ZNF600: variants seen among roughly 807,000 people sequenced by gnomAD.
ZNF600 encodes the protein zinc finger protein 600.
Under a neutral mutation model 7.3 loss-of-function variants are expected in ZNF600, and 4 were observed. The ratio of observed to expected loss-of-function variants is 0.55; its 90% confidence interval spans 0.27 to 1.25. The LOEUF is 1.25. Ranked by LOEUF, ZNF600 falls within the 50% of genes most tolerant of loss-of-function variation. The pLI, the probability that ZNF600 is intolerant of heterozygous loss-of-function variation, is 0.12. For synonymous variants in ZNF600, 290 were observed against 308.9 expected, an observed-to-expected ratio of 0.94 and a Z score of 0.64; for missense variants, 911 against 922.1, an observed-to-expected ratio of 0.99 and a Z score of 0.16.
rs1404501990 is a variant in ZNF600 at position 52,774,556 on chromosome 19, G to A, written c.190+19C>T. The A allele has an allele frequency of 1.0e-6, 1 of 984,760 alleles. No individual in the cohort carries two copies. Among genetic ancestry groups the A allele is most frequent in the African/African-American group, 1.8e-5 (1 of 57,044 alleles). The allele number at this position is 984,760 out of a possible 1,614,324, so 61.0% of individuals were successfully genotyped here. On this transcript the variant is annotated intron_variant, in intron 3 of 3. Coordinates refer to ENST00000648973, the Ensembl canonical transcript of ZNF600. ...ACAAGAGCAGACTCCTCATGTCTGG[G>A]GGACATCATTTTCCTCACCCACAGC... is the stretch of plus-strand genomic sequence containing the variant.
the ZNF600 span, chr19:52,798,578 C>T: frequency 2.7e-5 from 13 of 486,296 alleles, no homozygotes; most frequent in Non-Finnish European, 4.6e-5. Flanking sequence ...GTGAAGTAAA[C>T]GCTTTGCCAC....
the ZNF600 span, chr19:52,817,955 C>T: frequency 6.2e-7 from 1 of 1,610,882 alleles, no homozygotes; most frequent in Non-Finnish European, 8.5e-7. Flanking sequence ...TGAGGAAGAG[C>T]CATCCCTGAC....
the ZNF600 span, among the ~76,000 whole-genome samples, chr19:52,793,342 A>G: frequency 1.3e-5 from 2 of 152,152 alleles, no homozygotes; most frequent in Non-Finnish European, 2.9e-5. Flanking sequence ...AAATTAACTG[A>G]GATCTGTCTG....
chr19:52,800,028 G>C, the ZNF600 span: 2 of 1,614,174 alleles, frequency 1.2e-6, no homozygotes, highest in Non-Finnish European at 1.7e-6. Context: ...ACACTTGTAA[G>C]GTTTCTCTCC....
the ZNF600 span, among the ~76,000 whole-genome samples, chr19:52,815,059 G>A: frequency 2.9e-5 from 4 of 139,726 alleles, no homozygotes; most frequent in Middle Eastern, 3.7e-3. Flanking sequence ...ATATATGTAT[G>A]TATATGTATA....
chr19:52,787,792 G>A (rs146310328), upstream of ZNF600, among the ~76,000 whole-genome samples: 4,597 of 148,164 alleles, frequency 0.031, 257 homozygotes, highest in African/African-American at 0.11. Flanking sequence ...CCCGGGAGGC[G>A]GAGCGTGCAG....
the ZNF600 span, chr19:52,808,207 G>C: frequency 2.5e-6 from 4 of 1,585,986 alleles, no homozygotes; most frequent in Non-Finnish European, 3.4e-6. Context: ...CAAGAGAGGG[G>C]GAAAGCATGG....
intron 1 of ZNF600, among the ~76,000 whole-genome samples, chr19:52,784,504 A>C (rs1265255102): frequency 6.6e-6 from 1 of 152,154 alleles, no homozygotes; most frequent in Non-Finnish European, 1.5e-5. Flanking sequence ...CCACCCTGGG[A>C]AAAGGGAAGA....
At chr19:52,775,286 T>A (rs941521323) in intron 2 of ZNF600, among the ~76,000 whole-genome samples, 1 of 151,844 alleles carries the variant, frequency 6.6e-6, no homozygotes, top group Non-Finnish European at 1.5e-5. Context: ...GGGCAGTGAC[T>A]GTCACCTGTA....
At chr19:52,807,274 C>T in the ZNF600 span, among the ~76,000 whole-genome samples, 1 of 152,126 alleles carries the variant, frequency 6.6e-6, no homozygotes, top group African/African-American at 2.4e-5. Flanking sequence ...CCCTATGTTT[C>T]TGTAGGAAAG....
chr19:52,821,108 G>A, the ZNF600 span, among the ~76,000 whole-genome samples: 1 of 152,094 alleles, frequency 6.6e-6, no homozygotes, highest in East Asian at 1.9e-4. Context: ...GGGAGCAGCA[G>A]GGCCCAGCAA....
the ZNF600 span, among the ~76,000 whole-genome samples, chr19:52,831,346 A>T: frequency 0.016 from 2,463 of 151,982 alleles, 40 homozygotes; most frequent in South Asian, 0.048. Context: ...GTGTCACTCT[A>T]TTGCTCAGGC....
chr19:52,812,248 AC>A, the ZNF600 span, among the ~76,000 whole-genome samples: 2 of 136,818 alleles, frequency 1.5e-5, no homozygotes, highest in Non-Finnish European at 3.0e-5. Flanking sequence ...CCCGGCCACG[AC>A]CCCGTCTGGG....
At chr19:52,802,255 G>C in the ZNF600 span, among the ~76,000 whole-genome samples, 1 of 152,160 alleles carries the variant, frequency 6.6e-6, no homozygotes, top group Non-Finnish European at 1.5e-5. Context: ...TGTACTCACA[G>C]CTACTCTGAA....
chr19:52,768,627 C>G (rs1392583650), intron 3 of ZNF600, among the ~76,000 whole-genome samples: 1 of 151,806 alleles, frequency 6.6e-6, no homozygotes, highest in Non-Finnish European at 1.5e-5. Flanking sequence ...CTCACTGCAA[C>G]CTCTGCCTCC....
At chr19:52,813,913 A>T in the ZNF600 span, among the ~76,000 whole-genome samples, 1 of 145,070 alleles carries the variant, frequency 6.9e-6, no homozygotes, top group Middle Eastern at 3.3e-3. Context: ...GGGAACAGGG[A>T]GGTGGGAGAT....
At chr19:52,773,955 T>C (rs1413957578) in intron 3 of ZNF600, among the ~76,000 whole-genome samples, 1 of 151,462 alleles carries the variant, frequency 6.6e-6, no homozygotes, top group African/African-American at 2.4e-5. Flanking sequence ...TGACCTCAGG[T>C]GATTCACCCA....
the ZNF600 span, among the ~76,000 whole-genome samples, chr19:52,822,801 G>C: frequency 6.6e-6 from 1 of 152,146 alleles, no homozygotes; most frequent in Admixed American, 6.6e-5. Flanking sequence ...GGCAGGTGCC[G>C]TCTCTAGTGA....
chr19:52,775,815 T>C (rs2062670265), intron 2 of ZNF600, among the ~76,000 whole-genome samples: 1 of 152,008 alleles, frequency 6.6e-6, no homozygotes, highest in South Asian at 2.1e-4. Flanking sequence ...GAGACCAGCT[T>C]GGGAACATGC....
Sources: gnomAD v4.1 joint callset for allele counts (sites outside exome capture counted in the v4.1 genomes callset) on GRCh38, gnomAD v4.1.1 for gene constraint, MANE v1.5 for transcripts, NCBI Gene and HGNC (gene_info 2026-07-23, HGNC 2026-07-21) for gene names.